The following RGS8 variants were observed in gnomAD, a reference collection of about 807,000 sequenced individuals.
The protein encoded by RGS8 is regulator of G protein signaling 8, also known as regulator of G-protein signaling 8.
RGS8 carries 8 observed loss-of-function variants against 21.7 expected under a neutral mutation model. The ratio of observed to expected loss-of-function variants is 0.37; its 90% CI spans 0.22 to 0.66. RGS8 has a LOEUF of 0.66. Among genes scored for constraint, RGS8 ranks in the 30% least tolerant of loss-of-function variants. The pLI is 0.59. For synonymous variants in RGS8, 80 were observed against 83.6 expected (o/e 0.96, Z 0.24); for missense variants, 157 against 217.9 (o/e 0.72, Z 1.76).
chr1:182,721,273 G>A, the RGS8 span, among the ~76,000 whole-genome samples: 5 of 151,976 alleles, frequency 3.3e-5, no homozygotes, highest in South Asian at 6.2e-4. Context: ...AGTGAAAAAC[G>A]CAGAACAGAC....
the RGS8 span, among the ~76,000 whole-genome samples, chr1:182,718,795 A>C: frequency 1.4e-4 from 21 of 152,314 alleles, no homozygotes; most frequent in South Asian, 4.1e-3. Context: ...TTACCAAAAA[A>C]ATAAATAAAT....
At chr1:182,725,437 A>G in the RGS8 span, among the ~76,000 whole-genome samples, 2 of 152,214 alleles carry the variant, frequency 1.3e-5, no homozygotes, top group Non-Finnish European at 2.9e-5. Flanking sequence ...TTAGACCAAC[A>G]AGAGCATCTG....
the RGS8 span, among the ~76,000 whole-genome samples, chr1:182,695,565 T>A: frequency 6.6e-6 from 1 of 152,088 alleles, no homozygotes; most frequent in African/African-American, 2.4e-5. Flanking sequence ...CAAGCAAATC[T>A]CCCACCTCAG....
chr1:182,741,855 A>G, the RGS8 span, among the ~76,000 whole-genome samples: 1 of 136,648 alleles, frequency 7.3e-6, no homozygotes, highest in Non-Finnish European at 1.6e-5. Flanking sequence ...CACCTCCCGG[A>G]CGGGGCGGCT....
At chr1:182,744,749 C>T in the RGS8 span, among the ~76,000 whole-genome samples, 130 of 152,272 alleles carry the variant, frequency 8.5e-4, no homozygotes, top group East Asian at 5.8e-4. Context: ...CACACGAGAA[C>T]GAAATCACCT....
chr1:182,735,315 TCA>T, the RGS8 span, among the ~76,000 whole-genome samples: 5 of 152,212 alleles, frequency 3.3e-5, no homozygotes, highest in African/African-American at 4.8e-5. Context: ...TAAGGAAAAG[TCA>T]CTGCCATTTT....
At chr1:182,645,680 G>C (rs1159341141), downstream of RGS8, 4 of 152,230 alleles carry the variant, frequency 2.6e-5, no homozygotes, top group African/African-American at 9.6e-5. Flanking sequence ...TTCCCAGGAA[G>C]TATGCTGGAA....
the RGS8 span, among the ~76,000 whole-genome samples, chr1:182,708,454 C>T: frequency 6.6e-6 from 1 of 152,368 alleles, no homozygotes; most frequent in South Asian, 2.1e-4. Flanking sequence ...TACAGAGGCA[C>T]ACCTGGGCTC....
chr1:182,690,731 G>C, the RGS8 span, among the ~76,000 whole-genome samples: 1 of 152,196 alleles, frequency 6.6e-6, no homozygotes, highest in Admixed American at 6.5e-5. Flanking sequence ...ATCAACAGCT[G>C]TGGCAGATTG....
chr1:182,679,968 G>A (rs1007072725), intron 1 of RGS8, among the ~76,000 whole-genome samples: 5 of 151,970 alleles, frequency 3.3e-5, no homozygotes, highest in Non-Finnish European at 4.4e-5. Context: ...ATCTCCTGTC[G>A]ACAACCAATT....
At chr1:182,702,462 A>G in the RGS8 span, among the ~76,000 whole-genome samples, 1 of 152,278 alleles carries the variant, frequency 6.6e-6, no homozygotes, top group Admixed American at 6.5e-5. Context: ...GATCAGTCAT[A>G]CCCCAAAACC....
intron 5 of RGS8, among the ~76,000 whole-genome samples, chr1:182,655,758 A>G (rs1261150371): frequency 6.6e-6 from 1 of 152,236 alleles, no homozygotes; most frequent in Admixed American, 6.5e-5. Flanking sequence ...AACTTAAATT[A>G]GCCTGTATCA....
At chr1:182,747,582 C>T in the RGS8 span, among the ~76,000 whole-genome samples, 1 of 152,112 alleles carries the variant, frequency 6.6e-6, no homozygotes, top group Admixed American at 6.5e-5. Context: ...GAGATTGGAC[C>T]CTACCAACTG....
Position 182,671,511 on chromosome 1 carries a change from T to G in RGS8, c.-104+146A>C, listed in dbSNP as rs1482770208. 4 of 685,732 alleles carry G rather than the reference T, an allele frequency of 5.8e-6. No individual in the cohort carries two copies. In the East Asian group the frequency reaches 1.1e-4, roughly 19 times the overall value. The allele number at this position is 685,732 out of a possible 1,614,324, so 42.5% of individuals were successfully genotyped here. On this transcript the variant is annotated intron_variant, in intron 2 of 6. Coordinates refer to ENST00000483095, the Ensembl canonical transcript of RGS8. ...AAAGTTAAAAGCAAAGAACAAAGATTTACAAAGAGGGGGAGAGAAACTAGA... is the reference window on the plus strand; with the variant it reads ...AAAGTTAAAAGCAAAGAACAAAGATGTACAAAGAGGGGGAGAGAAACTAGA...
chr1:182,663,395 T>C (rs1663697839), intron 5 of RGS8, among the ~76,000 whole-genome samples: 1 of 152,196 alleles, frequency 6.6e-6, no homozygotes, highest in Non-Finnish European at 1.5e-5. Context: ...AGACATTCAC[T>C]CCACTGGCTT....
exon 7 of RGS8, chr1:182,646,679 T>A: frequency 1.3e-6 from 2 of 1,487,752 alleles, no homozygotes; most frequent in South Asian, 2.5e-5. Flanking sequence ...TAGAATATGA[T>A]CTTGGCAGCA....
intron 5 of RGS8, among the ~76,000 whole-genome samples, chr1:182,650,531 G>A (rs1412820774): frequency 6.6e-6 from 1 of 152,214 alleles, no homozygotes; most frequent in Non-Finnish European, 1.5e-5. Flanking sequence ...GTCACAAGGA[G>A]ATTTAAGTTT....
the RGS8 span, among the ~76,000 whole-genome samples, chr1:182,741,793 C>T: frequency 4.7e-5 from 2 of 42,150 alleles, no homozygotes; most frequent in African/African-American, 7.7e-5. Context: ...CGGCTGGCCG[C>T]GCAGAGGGGC....
At chr1:182,672,805 T>G, upstream of RGS8, 1 of 1,614,128 alleles carries the variant, frequency 6.2e-7, no homozygotes, top group Non-Finnish European at 8.5e-7. Flanking sequence ...CTTTCTTCTT[T>G]CAAACCTCCT....
Sources: gnomAD v4.1 joint callset for allele counts (sites outside exome capture counted in the v4.1 genomes callset) on GRCh38, gnomAD v4.1.1 for gene constraint, MANE v1.5 for transcripts, NCBI Gene and HGNC (gene_info 2026-07-23, HGNC 2026-07-21) for gene names.